OSBPL11: variants seen among roughly 807,000 people sequenced by gnomAD.
OSBPL11 encodes oxysterol binding protein like 11.
In OSBPL11, 33 loss-of-function variants were observed where a neutral mutation model predicts 84.4. The ratio of observed to expected loss-of-function variants is 0.39; its 90% CI spans 0.30 to 0.52. OSBPL11 has a LOEUF of 0.52. Among genes scored for constraint, OSBPL11 ranks in the 20% least tolerant of loss-of-function variants. The probability of loss-of-function intolerance (pLI) is 0.72; values close to 1 mark genes in which losing one functional copy is unlikely to be tolerated. For missense variants in OSBPL11, 736 were observed against 901.1 expected (o/e 0.82, Z 2.35); for synonymous variants, 276 against 310.2 (o/e 0.89, Z 1.16).
intron 5 of OSBPL11, among the ~76,000 whole-genome samples, chr3:125,573,517 G>T (rs1373957562): frequency 6.6e-6 from 1 of 152,136 alleles, no homozygotes; most frequent in Non-Finnish European, 1.5e-5. Context: ...ATAAAGTAAA[G>T]CTTTTGTAAT....
chr3:125,544,746 T>C (rs1935785834), intron 10 of OSBPL11, among the ~76,000 whole-genome samples: 1 of 152,186 alleles, frequency 6.6e-6, no homozygotes, highest in Admixed American at 6.5e-5. Flanking sequence ...GATGGCCCTA[T>C]ATGCGGGTGA....
intron 5 of OSBPL11, 54 bp downstream of exon 5, chr3:125,576,135 C>T: frequency 1.3e-6 from 2 of 1,511,446 alleles, no homozygotes; most frequent in Non-Finnish European, 1.8e-6. Flanking sequence ...TGTGACAAAA[C>T]CAAGCAGGTA....
intron 5 of OSBPL11, 74 bp from the exon 6 acceptor site, chr3:125,567,669 A>G: frequency 7.9e-7 from 1 of 1,260,486 alleles, no homozygotes; most frequent in Non-Finnish European, 1.1e-6. Flanking sequence ...TGCCATTTTA[A>G]TTACCAGATT....
At chr3:125,537,119 G>C (rs1050672287) in intron 11 of OSBPL11, among the ~76,000 whole-genome samples, 1 of 133,270 alleles carries the variant, frequency 7.5e-6, no homozygotes, top group East Asian at 2.2e-4. Context: ...GAGATCGCCC[G>C]ACCACACTCC....
chr3:125,531,754 C>A, intron 12 of OSBPL11, 107 bp downstream of exon 12: 1 of 1,155,318 alleles, frequency 8.7e-7, no homozygotes. Flanking sequence ...AGCCATACTA[C>A]TTTTAAAAAT....
At chr3:125,540,594 T>C (rs1389230503) in intron 10 of OSBPL11, among the ~76,000 whole-genome samples, 1 of 152,180 alleles carries the variant, frequency 6.6e-6, no homozygotes, top group Non-Finnish European at 1.5e-5. Flanking sequence ...AAACAGGATA[T>C]GAGGAAGTGA....
At chr3:125,534,979 C>CAAAAAAAAAAA (rs1935619259) in intron 11 of OSBPL11, among the ~76,000 whole-genome samples, 1 of 72,762 alleles carries the variant, frequency 1.4e-5, no homozygotes, top group Admixed American at 1.4e-4. Flanking sequence ...AAAAAAAAAG[C>CAAAAAAAAAAA]AAATTATTTA....
Position 125,556,048 on chromosome 3 carries a change from C to T in OSBPL11, c.1156-3369G>A, listed in dbSNP as rs762058458. On this transcript the variant is annotated intron_variant, in intron 8 of 12. Transcript: ENST00000296220. Reference sequence around the variant, plus strand: ...GGGCAACACAGACATTTCAGACACACATTTTCACATTCGCTTCTTACAAAT... The same window carrying T: ...GGGCAACACAGACATTTCAGACACATATTTTCACATTCGCTTCTTACAAAT... Among the ~76,000 whole-genome samples the T allele has an allele frequency of 2.6e-4, 40 of 152,318 alleles. 1 individual carries two copies. The highest frequency in any genetic ancestry group is 3.4e-3 in the Middle Eastern group (1 of 294).
At chr3:125,548,574 T>C (rs1580043766) in intron 9 of OSBPL11, among the ~76,000 whole-genome samples, 4 of 152,016 alleles carry the variant, frequency 2.6e-5, no homozygotes, top group East Asian at 1.9e-4. Flanking sequence ...AAGGGGACTA[T>C]ATTAATAAAT....
chr3:125,557,549 T>C (rs555189285), intron 8 of OSBPL11, among the ~76,000 whole-genome samples: 1 of 152,088 alleles, frequency 6.6e-6, no homozygotes, highest in South Asian at 2.1e-4. Context: ...GCTCGGCTAA[T>C]TTGTTTTTAG....
chr3:125,554,578 G>C (rs571582891), intron 8 of OSBPL11, among the ~76,000 whole-genome samples: 1 of 151,408 alleles, frequency 6.6e-6, no homozygotes, highest in East Asian at 1.9e-4. Context: ...CCTCTAACTA[G>C]GAATATAAAG....
chr3:125,543,124 ATTTTT>A (rs60571172), intron 10 of OSBPL11, among the ~76,000 whole-genome samples: 38 of 99,262 alleles, frequency 3.8e-4, no homozygotes, highest in African/African-American at 6.0e-4. Flanking sequence ...GGCTAGTAAG[ATTTTT>A]TTTTTTTTTT....
chr3:125,549,414 A>G (rs1159059489), intron 9 of OSBPL11, among the ~76,000 whole-genome samples: 4 of 152,230 alleles, frequency 2.6e-5, no homozygotes, highest in Admixed American at 2.6e-4. Flanking sequence ...GCACAATAAA[A>G]AATTATTTAC....
At chr3:125,585,448 T>A (rs1168383129) in intron 1 of OSBPL11, among the ~76,000 whole-genome samples, 1 of 152,112 alleles carries the variant, frequency 6.6e-6, no homozygotes, top group Non-Finnish European at 1.5e-5. Flanking sequence ...AAGTGTATCT[T>A]CATATTTCAC....
At chr3:125,544,409 AAC>A (rs1438661073) in intron 10 of OSBPL11, among the ~76,000 whole-genome samples, 8 of 152,186 alleles carry the variant, frequency 5.3e-5, no homozygotes, top group South Asian at 2.1e-4. Context: ...TCCTATAAAA[AAC>A]AGTTATATAA....
At chr3:125,541,933 T>C (rs1935734497) in intron 10 of OSBPL11, among the ~76,000 whole-genome samples, 1 of 152,176 alleles carries the variant, frequency 6.6e-6, no homozygotes, top group Admixed American at 6.5e-5. Flanking sequence ...AATACATGTC[T>C]AAAGGACTCA....
chr3:125,550,310 G>C (rs912235876), intron 9 of OSBPL11, among the ~76,000 whole-genome samples: 6 of 151,616 alleles, frequency 4.0e-5, no homozygotes, highest in Non-Finnish European at 7.4e-5. Flanking sequence ...GGGAGGCAGA[G>C]ATTGCAGTGA....
intron 5 of OSBPL11, among the ~76,000 whole-genome samples, chr3:125,572,568 T>C (rs1193277558): frequency 6.6e-6 from 1 of 152,094 alleles, no homozygotes; most frequent in Admixed American, 6.5e-5. Flanking sequence ...GTTCTTGTGA[T>C]AGTGAATAAG....
At position 125,574,412 on chromosome 3, in the gene OSBPL11, G is replaced by A. The variant is rs565813819; in HGVS notation, c.666+1777C>T. ...GAAGTACATATAAAGCACTTCTGTT[G>A]CATACCAATACACAGAGGTTGCCTA... On this transcript the variant is annotated intron_variant, in intron 5 of 12. Coordinates refer to ENST00000296220, the MANE Select transcript of OSBPL11 (RefSeq NM_022776.5). Among the ~76,000 whole-genome samples the A allele has an allele frequency of 5.3e-5, 8 of 151,476 alleles. No individual in the cohort carries two copies. The South Asian group carries it at 1.7e-3, about 32-fold the overall frequency.
Sources: allele counts gnomAD v4.1 joint callset (sites outside exome capture counted in the v4.1 genomes callset), GRCh38; gene constraint gnomAD v4.1.1; transcripts MANE v1.5; gene names NCBI Gene and HGNC (gene_info 2026-07-23, HGNC 2026-07-21).